Variants in PDE7B observed in about 807,000 individuals in gnomAD.
PDE7B encodes the protein phosphodiesterase 7B.
Under a neutral mutation model 56.2 loss-of-function variants are expected in PDE7B, and 29 were observed. The ratio of observed to expected loss-of-function variants is 0.52; its 90% CI spans 0.38 to 0.70. The LOEUF (loss-of-function observed/expected upper bound fraction) is 0.70, where lower values mean the gene tolerates loss of function less well. Ranked by LOEUF, PDE7B falls within the 30% of genes least tolerant of loss-of-function variation. The pLI is 0.00. For missense variants in PDE7B, 490 were observed against 565.0 expected, an observed-to-expected ratio of 0.87 and a Z score of 1.35; for synonymous variants, 197 against 196.9, an observed-to-expected ratio of 1.00 and a Z score of 0.00.
chr6:136,051,881 T>C (rs1043434696), intron 2 of PDE7B, among the ~76,000 whole-genome samples: 1 of 152,066 alleles, frequency 6.6e-6, no homozygotes, highest in African/African-American at 2.4e-5. Context: ...TAAATGATAA[T>C]GAGGAATACA....
chr6:135,884,133 C>T (rs958762282), intron 1 of PDE7B, among the ~76,000 whole-genome samples: 8 of 152,156 alleles, frequency 5.3e-5, no homozygotes, highest in African/African-American at 1.9e-4. Flanking sequence ...AGTTTGCTTG[C>T]CAGTACTGTC....
chr6:135,895,972 C>T (rs889393031), intron 1 of PDE7B, among the ~76,000 whole-genome samples: 8 of 152,166 alleles, frequency 5.3e-5, no homozygotes, highest in African/African-American at 1.2e-4. Context: ...TACCAATCTT[C>T]GTATTTTCTG....
intron 9 of PDE7B, 85 bp downstream of exon 9, chr6:136,173,973 G>C: frequency 1.1e-6 from 1 of 908,818 alleles, no homozygotes. Context: ...GACCTTTTGC[G>C]TGAATGGCAG....
chr6:136,058,197 G>A (rs1447604029), intron 2 of PDE7B, among the ~76,000 whole-genome samples: 1 of 152,170 alleles, frequency 6.6e-6, no homozygotes, highest in South Asian at 2.1e-4. Flanking sequence ...GTTTTGTAAA[G>A]AGATCAACAT....
At chr6:136,008,320 A>T (rs909821477) in intron 2 of PDE7B, among the ~76,000 whole-genome samples, 1 of 152,178 alleles carries the variant, frequency 6.6e-6, no homozygotes, top group African/African-American at 2.4e-5. Flanking sequence ...TTATAGCAGC[A>T]TGTCTTATAA....
intron 12 of PDE7B, among the ~76,000 whole-genome samples, chr6:136,188,873 A>G (rs1372764667): frequency 6.6e-6 from 1 of 152,192 alleles, no homozygotes; most frequent in African/African-American, 2.4e-5. Context: ...AACAATCCTT[A>G]GTACATAGAT....
chr6:135,979,386 C>T (rs1775253389), intron 2 of PDE7B, among the ~76,000 whole-genome samples: 1 of 151,726 alleles, frequency 6.6e-6, no homozygotes, highest in South Asian at 2.1e-4. Context: ...ATGATGCTGG[C>T]CTCATAAAAT....
chr6:136,124,390 G>T (rs1242914829), intron 3 of PDE7B, among the ~76,000 whole-genome samples: 1 of 151,948 alleles, frequency 6.6e-6, no homozygotes, highest in Non-Finnish European at 1.5e-5. Flanking sequence ...ATTTTAAATG[G>T]GACTGAGAAA....
chr6:136,048,247 G>C (rs1776554344), intron 2 of PDE7B, among the ~76,000 whole-genome samples: 1 of 152,174 alleles, frequency 6.6e-6, no homozygotes, highest in South Asian at 2.1e-4. Flanking sequence ...TGATGGGCTG[G>C]GCGCGGTGGC....
At chr6:136,158,416 G>C (rs1778647883) in intron 8 of PDE7B, among the ~76,000 whole-genome samples, 1 of 152,198 alleles carries the variant, frequency 6.6e-6, no homozygotes, top group African/African-American at 2.4e-5. Flanking sequence ...GAATACCGTA[G>C]AGAGGATGTG....
At chr6:136,094,487 C>T (rs1777441840) in intron 2 of PDE7B, among the ~76,000 whole-genome samples, 1 of 152,122 alleles carries the variant, frequency 6.6e-6, no homozygotes, top group South Asian at 2.1e-4. Flanking sequence ...TTGGCTTCTC[C>T]CACATTTCAT....
chr6:136,088,422 G>A (rs987954970), intron 2 of PDE7B, among the ~76,000 whole-genome samples: 4 of 152,182 alleles, frequency 2.6e-5, no homozygotes, highest in Non-Finnish European at 4.4e-5. Context: ...TGTAAGTGAT[G>A]CACTAAGCTG....
At chr6:135,906,129 G>A (rs114664375) in intron 1 of PDE7B, among the ~76,000 whole-genome samples, 1 of 152,158 alleles carries the variant, frequency 6.6e-6, no homozygotes, top group Admixed American at 6.5e-5. Context: ...AGGGAACTCC[G>A]CAGAGCAGGC....
intron 1 of PDE7B, among the ~76,000 whole-genome samples, chr6:135,864,671 C>A (rs1775217544): frequency 6.6e-6 from 1 of 151,894 alleles, no homozygotes; most frequent in Non-Finnish European, 1.5e-5. Context: ...TGCATTTATC[C>A]CAATTAGGGC....
At chr6:135,957,093 G>T (rs1223613247) in intron 2 of PDE7B, among the ~76,000 whole-genome samples, 1 of 152,086 alleles carries the variant, frequency 6.6e-6, no homozygotes, top group African/African-American at 2.4e-5. Context: ...TTAAACCTGC[G>T]ATTGTGAGAA....
intron 2 of PDE7B, among the ~76,000 whole-genome samples, chr6:136,051,697 C>T (rs926289931): frequency 1.3e-5 from 2 of 152,146 alleles, no homozygotes; most frequent in African/African-American, 2.4e-5. Flanking sequence ...TTTAACTTTT[C>T]CAGTCTGGGC....
intron 2 of PDE7B, among the ~76,000 whole-genome samples, chr6:135,975,635 G>T (rs1336897798): frequency 6.7e-6 from 1 of 150,008 alleles, no homozygotes; most frequent in Non-Finnish European, 1.5e-5. Flanking sequence ...GGAAAGTAAA[G>T]AAAAGGATTC....
chr6:136,114,731 G>A (rs1217353279), intron 3 of PDE7B: 2 of 152,228 alleles, frequency 1.3e-5, no homozygotes, highest in Admixed American at 1.3e-4. Flanking sequence ...AAGCGGAGAA[G>A]GGAGGTGTCC....
At chr6:136,160,010 A>G (rs1040483667) in intron 8 of PDE7B, among the ~76,000 whole-genome samples, 5 of 152,218 alleles carry the variant, frequency 3.3e-5, no homozygotes, top group African/African-American at 1.2e-4. Flanking sequence ...GGTGAAAAAT[A>G]CTTGATAATT....
Sources: allele counts gnomAD v4.1 joint callset (sites outside exome capture counted in the v4.1 genomes callset), GRCh38; gene constraint gnomAD v4.1.1; transcripts MANE v1.5; gene names NCBI Gene and HGNC (gene_info 2026-07-23, HGNC 2026-07-21).